Variants in ZNF536 observed in about 807,000 individuals in gnomAD.
ZNF536 encodes the protein zinc finger protein 536.
In ZNF536, 13 loss-of-function variants were observed where a neutral mutation model predicts 84.5. That is an observed-to-expected ratio of 0.15 (90% CI 0.10 to 0.24). The LOEUF is 0.24. Ranked by LOEUF, ZNF536 falls within the 10% of genes least tolerant of loss-of-function variation. ZNF536 has a pLI of 1.00. For synonymous variants in ZNF536, 811 were observed against 742.5 expected, an observed-to-expected ratio of 1.09 and a Z score of -1.50; for missense variants, 1,536 against 1,747.5, an observed-to-expected ratio of 0.88 and a Z score of 2.16.
At chr19:30,372,192 A>G (rs2048633959), upstream of ZNF536, among the ~76,000 whole-genome samples, 1 of 152,198 alleles carries the variant, frequency 6.6e-6, no homozygotes, top group Non-Finnish European at 1.5e-5. Flanking sequence ...TGGCCTCTGT[A>G]CAGAGAGAGT....
chr19:30,692,668 G>A (rs974481865), intron 1 of ZNF536, among the ~76,000 whole-genome samples: 1 of 152,188 alleles, frequency 6.6e-6, no homozygotes, highest in Non-Finnish European at 1.5e-5. Flanking sequence ...GTGCTTCGCA[G>A]CTGTTGCAAC....
intron 2 of ZNF536, among the ~76,000 whole-genome samples, chr19:30,501,250 TC>T (rs1422840950): frequency 1.3e-5 from 2 of 152,176 alleles, no homozygotes. Flanking sequence ...CATGAGAACA[TC>T]CCTCAGTTTC....
chr19:30,686,616 T>C (rs2051194770), intron 1 of ZNF536, among the ~76,000 whole-genome samples: 1 of 152,174 alleles, frequency 6.6e-6, no homozygotes, highest in Non-Finnish European at 1.5e-5. Context: ...ACCAAGATAA[T>C]TGAGGATATA....
At chr19:30,350,469 A>AATTAATG (rs1457128918) in intron 2 of ZNF536, among the ~76,000 whole-genome samples, 1 of 152,338 alleles carries the variant, frequency 6.6e-6, no homozygotes. Flanking sequence ...CTTACATGTT[A>AATTAATG]ATTAATGTGT....
intron 1 of ZNF536, among the ~76,000 whole-genome samples, chr19:30,440,756 A>T (rs1283469922): frequency 6.6e-6 from 1 of 152,112 alleles, no homozygotes; most frequent in African/African-American, 2.4e-5. Flanking sequence ...AAGAATAAGA[A>T]CAGAGCCAAC....
chr19:30,445,245 G>A lies in ZNF536; in HGVS notation c.1683G>A (p.Lys561=), dbSNP rs768767236. The change falls in exon 2 of 5, where the codon AAG becomes AAA. Residue 561 remains lysine (K), a synonymous_variant. Coordinates refer to ENST00000355537, the MANE Select transcript of ZNF536 (RefSeq NM_014717.3). This position sits in a 1 kb window ranked among gnomAD's most constrained non-coding sequence, Gnocchi z 4.5. ...TLANAGVLFD[K]EKREYVLVGA... ...CAAACGCCGGGGTTCTGTTTGATAA[G>A]GAGAAGCGGGAGTACGTGTTAGTGG... is the stretch of plus-strand genomic sequence containing the variant. 6.2e-7 allele frequency: 1 copy of A among 1,614,194 alleles called. No individual in the cohort carries two copies. The highest frequency in any genetic ancestry group is 8.5e-7 in the Non-Finnish European group (1 of 1,180,048).
At chr19:30,450,237 G>C (rs1446349921) in intron 2 of ZNF536, among the ~76,000 whole-genome samples, 1 of 152,108 alleles carries the variant, frequency 6.6e-6, no homozygotes, top group Non-Finnish European at 1.5e-5. Context: ...ATTATCATTC[G>C]CTGGTTGCTT....
intron 1 of ZNF536, among the ~76,000 whole-genome samples, chr19:30,238,291 C>T (rs766320130): frequency 5.3e-5 from 8 of 152,146 alleles, no homozygotes; most frequent in South Asian, 2.1e-4. Flanking sequence ...AATCCAATAA[C>T]TATTGGCTGA....
chr19:30,458,495 G>A (rs113448995), intron 2 of ZNF536, among the ~76,000 whole-genome samples: 7,742 of 124,602 alleles, frequency 0.062, 832 homozygotes, highest in African/African-American at 0.23. Context: ...CTTGTTGCCC[G>A]GGCTGGAGTG....
intron 1 of ZNF536, among the ~76,000 whole-genome samples, chr19:30,244,795 T>C (rs1599864688): frequency 6.6e-6 from 1 of 152,002 alleles, no homozygotes; most frequent in East Asian, 1.9e-4. Context: ...ACCTGAGGAG[T>C]TGCAAGGAGG....
At chr19:30,306,065 C>T (rs2046334400) in intron 2 of ZNF536, among the ~76,000 whole-genome samples, 1 of 152,192 alleles carries the variant, frequency 6.6e-6, no homozygotes, top group Non-Finnish European at 1.5e-5. Flanking sequence ...TATTCATTTG[C>T]TCATGAAATC....
intron 1 of ZNF536, among the ~76,000 whole-genome samples, chr19:30,394,579 A>C (rs932176157): frequency 2.6e-5 from 4 of 152,068 alleles, no homozygotes; most frequent in African/African-American, 9.7e-5. Context: ...ATGCACCACC[A>C]TGCCCTCCAC....
chr19:30,530,794 G>A (rs181479367), intron 2 of ZNF536, among the ~76,000 whole-genome samples: 1 of 152,332 alleles, frequency 6.6e-6, no homozygotes, highest in Non-Finnish European at 1.5e-5. Flanking sequence ...TTTGCAGAGG[G>A]GCAGACGCCA....
intron 1 of ZNF536, among the ~76,000 whole-genome samples, chr19:30,700,213 C>CTTCTTTCTTTCTTTCT (rs60390336): frequency 7.6e-4 from 78 of 102,670 alleles, no homozygotes; most frequent in African/African-American, 2.5e-3. Flanking sequence ...TCTTTCTTTC[C>CTTCTTTCTTTCTTTCT]TTCTTTCTTT....
intron 1 of ZNF536, among the ~76,000 whole-genome samples, chr19:30,679,996 GA>G (rs2050902176): frequency 6.7e-6 from 1 of 148,692 alleles, no homozygotes; most frequent in Admixed American, 6.7e-5. Context: ...TACGCCCTGG[GA>G]AAAACCCAGG....
chr19:30,381,865 T>C (rs1259681881), intron 1 of ZNF536, among the ~76,000 whole-genome samples: 1 of 152,206 alleles, frequency 6.6e-6, no homozygotes, highest in Non-Finnish European at 1.5e-5. Flanking sequence ...TCTTGGCCTG[T>C]GTGTCCCCAT....
chr19:30,242,984 C>T (rs532434187), intron 1 of ZNF536, among the ~76,000 whole-genome samples: 38 of 152,074 alleles, frequency 2.5e-4, no homozygotes, highest in South Asian at 1.2e-3. Context: ...GCATACATAT[C>T]GTATTTCACA....
Position 30,248,016 on chromosome 19 carries a change from G to A in ZNF536, c.-190+19343G>A, listed in dbSNP as rs371285145. On this transcript the variant is annotated intron_variant, in intron 1 of 5. Coordinates refer to the ZNF536 transcript ENST00000585628. ...CCTGTCACCTTACGGTGCAGACAGC[G>A]GCATCAGGAAGTGAACCGACCTGGC... 5.2e-4 allele frequency among the ~76,000 whole-genome samples: 79 copies of A among 152,180 alleles called. 3 individuals carry two copies. The South Asian group carries it at 0.015, about 29-fold the overall frequency.
intron 1 of ZNF536, among the ~76,000 whole-genome samples, chr19:30,240,728 C>T (rs1353095431): frequency 6.6e-6 from 1 of 152,232 alleles, no homozygotes; most frequent in Non-Finnish European, 1.5e-5. Flanking sequence ...CGTGGACCGT[C>T]TCCTGAAGGG....
Sources: allele counts gnomAD v4.1 joint callset (sites outside exome capture counted in the v4.1 genomes callset), GRCh38; gene constraint gnomAD v4.1.1; non-coding constraint Gnocchi (gnomAD v3.1); transcripts MANE v1.5; gene names NCBI Gene and HGNC (gene_info 2026-07-23, HGNC 2026-07-21).